Variants in MYH4 observed in about 807,000 individuals in gnomAD.
The protein encoded by MYH4 is myosin heavy chain 4.
In MYH4, 200 loss-of-function variants were observed where a neutral mutation model predicts 229.9. That is an observed-to-expected ratio of 0.87 (90% confidence interval 0.78 to 0.98). The LOEUF is 0.98. MYH4 is among the 50% of genes least tolerant of loss of function. The probability of loss-of-function intolerance (pLI) is 0.00; values close to 1 mark genes in which losing one functional copy is unlikely to be tolerated. For missense variants in MYH4, 2,148 were observed against 2,332.6 expected (o/e 0.92, Z 1.63); for synonymous variants, 761 against 834.6 (o/e 0.91, Z 1.52).
At position 10,464,418 on chromosome 17, in the gene MYH4, CGTG is replaced by C. The variant is rs60694281; in HGVS notation, c.648+51_648+53del. 784 of 1,450,472 alleles carry C rather than the reference CGTG, an allele frequency of 5.4e-4. 4 individuals carry two copies. The African/African-American group carries it at 0.01, about 19-fold the overall frequency. 89.9% of individuals were successfully genotyped at this position (1,450,472 alleles called of 1,614,324 possible). Reference sequence around the variant, plus strand: ...GTATACAGTCTACTGTTGATGTGCACGTGGTTAGATTTTAAAATCTGTTATTCT... The same window carrying C: ...GTATACAGTCTACTGTTGATGTGCACGTTAGATTTTAAAATCTGTTATTCT... On this transcript the variant is annotated intron_variant, in intron 7 of 39. Coordinates refer to ENST00000255381, the MANE Select transcript of MYH4 (RefSeq NM_017533.2).
intron 12 of MYH4, 64 bp downstream of exon 12, chr17:10,460,852 C>T: frequency 1.3e-6 from 2 of 1,579,182 alleles, no homozygotes; most frequent in East Asian, 2.2e-5. Flanking sequence ...AAACACGGTC[C>T]CTGCCTCTGA....
intron 12 of MYH4, 129 bp downstream of exon 12, chr17:10,460,787 G>T: frequency 1.1e-6 from 1 of 919,160 alleles, no homozygotes; most frequent in Non-Finnish European, 1.7e-6. Flanking sequence ...CAGGCAGTGT[G>T]TAATTTCCTT....
Position 10,445,295 on chromosome 17 carries a change from T to TC in MYH4, c.5236dup (p.Glu1746GlyfsTer20). ...ATTGCGGGCTTCCTGGACGATGTCCTCCATCTCTCCCTGGATTTGGGAAAT... is the reference window on the plus strand; with the variant it reads ...ATTGCGGGCTTCCTGGACGATGTCCTCCCATCTCTCCCTGGATTTGGGAAAT... On this transcript the variant is annotated frameshift_variant, in exon 36 of 40. Transcript: ENST00000255381. LOFTEE classifies it high-confidence loss of function. The TC allele has an allele frequency of 6.2e-7, 1 of 1,614,196 alleles. No homozygotes were observed. The highest frequency in any genetic ancestry group is 1.1e-5 in the South Asian group (1 of 91,082).
intron 4 of MYH4, among the ~76,000 whole-genome samples, chr17:10,466,020 C>T (rs1054828790): frequency 1.3e-5 from 2 of 151,894 alleles, no homozygotes; most frequent in Admixed American, 6.6e-5. Flanking sequence ...GTGATCCGCC[C>T]GCCTCGGCCT....
intron 7 of MYH4, 104 bp downstream of exon 7, chr17:10,464,368 A>G (rs2072736991): frequency 2.1e-6 from 2 of 952,096 alleles, no homozygotes; most frequent in Non-Finnish European, 3.1e-6. Context: ...ATAGTATTCC[A>G]TGGTGTATAC....
intron 11 of MYH4, 84 bp from the exon 12 acceptor site, chr17:10,461,138 T>C: frequency 1.3e-6 from 2 of 1,484,578 alleles, no homozygotes; most frequent in Admixed American, 1.8e-5. Flanking sequence ...CCCACTTTTT[T>C]CTCATCACGC....
In MYH4 at chr17:10,459,411, A is replaced by T; in HGVS notation, c.1427T>A (p.Leu476Gln). 6.2e-7 allele frequency: 1 copy of T among 1,614,198 alleles called. No homozygotes were observed. The highest frequency in any genetic ancestry group is 1.3e-5 in the African/African-American group (1 of 75,048). ...GGTGAAGTTGATGCACAGCTGCTCC[A>T]GGCTGTTGAACTACAGAACAAGATA... ...AGFEIFDFNS[L>Q]EQLCINFTNE... The change falls in exon 15 of 40, where the codon CTG (leucine) becomes CAG (glutamine). Residue 476 changes from leucine (L) to glutamine (Q), a missense_variant. Physicochemically the swap from Leu to Gln is moderately radical, Grantham distance 113 (BLOSUM62 -2). Transcript: ENST00000255381.
rs764324804 is a variant in MYH4, at chr17:10,463,570, T to C, written c.722A>G (p.Asn241Ser). The C allele has an allele frequency of 6.2e-6, 10 of 1,612,866 alleles. No individual in the cohort carries two copies. The highest frequency in any genetic ancestry group is 8.5e-6 in the Non-Finnish European group (10 of 1,178,958). Residue 241 changes from asparagine to serine, a missense_variant, in exon 8 of 40, where the codon AAT (asparagine) becomes AGT (serine). Coordinates refer to ENST00000255381, the MANE Select transcript of MYH4 (RefSeq NM_017533.2). ...EAFGNAKTVR[N>S]DNSSRFGKFI... ...ACTTACAAAGCGAGAGGAGTTGTCA[T>C]TCCTCACGGTCTTGGCATTGCCGAA...
chr17:10,456,101 T>C (rs1225974486), intron 17 of MYH4, among the ~76,000 whole-genome samples, 200 bp from the exon 18 acceptor site: 1 of 152,250 alleles, frequency 6.6e-6, no homozygotes, highest in African/African-American at 2.4e-5. Flanking sequence ...CAGTTTGTTA[T>C]TCTCAAGCAC....
intron 15 of MYH4, 53 bp from the exon 16 acceptor site, chr17:10,457,782 T>C (rs1412712417): frequency 3.9e-6 from 6 of 1,536,544 alleles, no homozygotes; most frequent in Non-Finnish European, 5.3e-6. Context: ...AAAGTTATGC[T>C]CCATGTAATT....
intron 4 of MYH4, 107 bp downstream of exon 4, chr17:10,466,166 A>G: frequency 1.5e-6 from 2 of 1,311,772 alleles, no homozygotes; most frequent in South Asian, 2.9e-5. Context: ...ACAATTGGTC[A>G]TAAAAGAACA....
At position 10,466,310 on chromosome 17, in the gene MYH4, T is replaced by C. The variant is rs2072766436; in HGVS notation, c.311A>G (p.Tyr104Cys). The change falls in exon 4 of 40, where the codon TAT (tyrosine) becomes TGT (cysteine). Residue 104 changes from tyrosine (Y) to cysteine (C), a missense_variant. Coordinates refer to ENST00000255381, the MANE Select transcript of MYH4 (RefSeq NM_017533.2). The stretch of plus-strand genomic sequence containing the variant: ...GGCTGCGTAACGCTCTTTGAGGTTA[T>C]ACAGCACAGCAGGCTCATGCAGGTG... The part of the protein sequence containing the change: ...MTHLHEPAVL[Y>C]NLKERYAAWM... 2 of 1,614,198 alleles carry C rather than the reference T, an allele frequency of 1.2e-6. No homozygotes were observed. Among genetic ancestry groups the C allele is most frequent in the Admixed American group, 1.7e-5 (1 of 60,034 alleles).
At position 10,466,566 on chromosome 17, in the gene MYH4, C is replaced by T. The variant is rs1181636684; in HGVS notation, c.180G>A (p.Val60=). 1.2e-6 allele frequency: 2 copies of T among 1,613,908 alleles called. No homozygotes were observed. Among genetic ancestry groups the T allele is most frequent in the Non-Finnish European group, 1.7e-6 (2 of 1,180,042 alleles). Reference sequence around the variant, plus strand: ...CAGCTCCAGCTTCGGTCTTGGCTGTCACCTTCCCCCCTTCCCTGCTCTGCA... The same window carrying T: ...CAGCTCCAGCTTCGGTCTTGGCTGTTACCTTCCCCCCTTCCCTGCTCTGCA... ...AIVQSREGGK[V]TAKTEAGATV... Residue 60 remains valine, a synonymous_variant, in exon 3 of 40, where the codon GTG becomes GTA. Transcript: ENST00000255381.
Position 10,447,285 on chromosome 17 carries a change from A to G in MYH4, c.4966-69T>C, listed in dbSNP as rs977026033. On this transcript the variant is annotated intron_variant, in intron 34 of 39. Transcript: ENST00000255381. ...AGCAAATGCAAACTTATGGTCATGT[A>G]CACTCTTTGATCTTAATGACTTAGA... The G allele has an allele frequency of 6.7e-6, 9 of 1,349,676 alleles. No individual in the cohort carries two copies. The African/African-American group carries it at 8.6e-5, about 13-fold the overall frequency. The allele number at this position is 1,349,676 out of a possible 1,614,324, so 83.6% of individuals were successfully genotyped here.
chr17:10,451,611 C>T (rs547586133), intron 27 of MYH4, among the ~76,000 whole-genome samples, 159 bp from the exon 28 acceptor site: 1 of 152,212 alleles, frequency 6.6e-6, no homozygotes, highest in African/African-American at 2.4e-5. Context: ...TTTAATTTGG[C>T]TAAATAATGA....
Position 10,455,032 on chromosome 17 carries a change from C to G in MYH4, c.2344G>C (p.Asp782His). Residue 782 changes from aspartate to histidine, a missense_variant, in exon 21 of 40, where the codon GAT becomes CAT. By Grantham distance (81) the Asp-to-His change is moderately conservative. Transcript: ENST00000255381. ...GLLGTLEEMR[D>H]EKLAQLITRT... ...GTGATGAGTTGAGCTAGCTTTTCAT[C>G]TCGCATTTCCTCTAGAGTTCCCAGC... 1 of 1,614,170 alleles carries G rather than the reference C, an allele frequency of 6.2e-7. No individual in the cohort carries two copies. Among genetic ancestry groups the G allele is most frequent in the Non-Finnish European group, 8.5e-7 (1 of 1,180,038 alleles).
At position 10,457,581 on chromosome 17, in the gene MYH4, T is replaced by C; in HGVS notation, c.1736A>G (p.His579Arg). 1 of 1,614,190 alleles carries C rather than the reference T, an allele frequency of 6.2e-7. No homozygotes were observed. Among genetic ancestry groups the C allele is most frequent in the Non-Finnish European group, 8.5e-7 (1 of 1,180,034 alleles). ...PKPAKGKPEA[H>R]FSLVHYAGTV... ...GCCGGCATAGTGCACCAGTGAGAAG[T>C]GAGCCTCAGGCTTGCCTTTGGCAGG... The change falls in exon 16 of 40, where the codon CAC becomes CGC. Residue 579 changes from histidine to arginine, a missense_variant. Transcript: ENST00000255381.
Position 10,464,709 on chromosome 17 carries a change from C to G in MYH4, c.506-1G>C, listed in dbSNP as rs2072743494. 6.2e-7 allele frequency: 1 copy of G among 1,613,090 alleles called. No homozygotes were observed. The highest frequency in any genetic ancestry group is 1.7e-5 in the Admixed American group (1 of 60,000). On this transcript the variant is annotated splice_acceptor_variant, in intron 5 of 39. Transcript: ENST00000255381. LOFTEE classifies it high-confidence loss of function. ...ATCAAGATTGACTGGTTTTCACGAT[C>G]TGTAAAAGAGAAGCCAAAGATAATA...
At position 10,460,463 on chromosome 17, in the gene MYH4, C is replaced by T. The variant is rs551230035; in HGVS notation, c.1148-142G>A. 39 of 690,550 alleles carry T rather than the reference C, an allele frequency of 5.6e-5. No individual in the cohort carries two copies. In the South Asian group the frequency reaches 8.7e-4, roughly 15 times the overall value. The allele number at this position is 690,550 out of a possible 1,614,324, so 42.8% of individuals were successfully genotyped here. On this transcript the variant is annotated intron_variant, in intron 12 of 39. Coordinates refer to ENST00000255381, the MANE Select transcript of MYH4 (RefSeq NM_017533.2). The stretch of plus-strand genomic sequence containing the variant: ...GAAACCTTTTCATTTGTTCATATTG[C>T]CTCAAAAGCATTGCCACCACTTGCA...
Sources: gnomAD v4.1 joint callset for allele counts (sites outside exome capture counted in the v4.1 genomes callset) on GRCh38, gnomAD v4.1.1 for gene constraint, MANE v1.5 for transcripts, NCBI Gene and HGNC (gene_info 2026-07-23, HGNC 2026-07-21) for gene names.